TBCA: variants seen among roughly 807,000 people sequenced by gnomAD.
TBCA encodes the protein tubulin folding cofactor A.
A neutral mutation model predicts 15.8 loss-of-function variants in TBCA; 6 were observed. The observed-to-expected ratio is 0.38, with a 90% confidence interval of 0.21 to 0.75. TBCA has a LOEUF of 0.75. Among genes scored for constraint, TBCA ranks in the 30% least tolerant of loss-of-function variants. TBCA has a pLI of 0.46. For missense variants in TBCA, 90 were observed against 131.2 expected, an observed-to-expected ratio of 0.69 and a Z score of 1.53; for synonymous variants, 32 against 42.3, an observed-to-expected ratio of 0.76 and a Z score of 0.94.
At chr5:77,732,616 CAGT>C (rs1746800695) in intron 1 of TBCA, among the ~76,000 whole-genome samples, 1 of 150,266 alleles carries the variant, frequency 6.7e-6, no homozygotes, top group African/African-American at 2.5e-5. Context: ...ACAAGTCTGT[CAGT>C]GCCTTTTTTC....
At chr5:77,755,307 G>A (rs1443948189) in intron 1 of TBCA, among the ~76,000 whole-genome samples, 2 of 152,146 alleles carry the variant, frequency 1.3e-5, no homozygotes, top group African/African-American at 2.4e-5. Context: ...GGCCAGGCAC[G>A]GTGGCTCACA....
At chr5:77,717,197 T>C (rs1360093959) in intron 1 of TBCA, among the ~76,000 whole-genome samples, 1 of 152,218 alleles carries the variant, frequency 6.6e-6, no homozygotes, top group African/African-American at 2.4e-5. Context: ...AGTTTTCTTA[T>C]TGCAGGCGAT....
chr5:77,746,053 T>C (rs943282759), intron 1 of TBCA, among the ~76,000 whole-genome samples: 3 of 152,162 alleles, frequency 2.0e-5, no homozygotes, highest in Admixed American at 2.0e-4. Context: ...ATAAGAAGAG[T>C]AAACAGTTTT....
At chr5:77,769,733 T>C (rs188862274) in intron 1 of TBCA, among the ~76,000 whole-genome samples, 3 of 152,174 alleles carry the variant, frequency 2.0e-5, no homozygotes, top group East Asian at 3.9e-4. Flanking sequence ...TAATCAAGGC[T>C]TGTAGATTTG....
chr5:77,723,942 T>C (rs1746578010), intron 1 of TBCA, among the ~76,000 whole-genome samples: 1 of 152,074 alleles, frequency 6.6e-6, no homozygotes, highest in African/African-American at 2.4e-5. Flanking sequence ...TTTCAAAACT[T>C]TAAGCTGCAG....
intron 1 of TBCA, among the ~76,000 whole-genome samples, chr5:77,717,851 CG>C (rs1746437260): frequency 6.6e-6 from 1 of 151,326 alleles, no homozygotes; most frequent in Non-Finnish European, 1.5e-5. Flanking sequence ...AAAAAAAGGC[CG>C]GGGGCAGTGG....
chr5:77,776,165 G>T, intron 1 of TBCA, 40 bp downstream of exon 1: 1 of 1,550,114 alleles, frequency 6.5e-7, no homozygotes, highest in Non-Finnish European at 8.7e-7. Context: ...GCCATGAGGT[G>T]ACGAAGAGGA....
chr5:77,731,739 A>G (rs1312675037), intron 1 of TBCA, among the ~76,000 whole-genome samples: 3 of 151,946 alleles, frequency 2.0e-5, no homozygotes, highest in Non-Finnish European at 4.4e-5. Context: ...GAAAAATTTT[A>G]TTTTATAATA....
chr5:77,759,430 C>CT (rs1747552877), intron 1 of TBCA, among the ~76,000 whole-genome samples: 1 of 152,072 alleles, frequency 6.6e-6, no homozygotes, highest in South Asian at 2.1e-4. Flanking sequence ...GAGGTATGTG[C>CT]GACTCCTACT....
chr5:77,742,807 G>A (rs1747084263), intron 1 of TBCA, among the ~76,000 whole-genome samples: 1 of 151,948 alleles, frequency 6.6e-6, no homozygotes, highest in South Asian at 2.1e-4. Context: ...CCTTATGTTT[G>A]GTATTACTCT....
intron 1 of TBCA, among the ~76,000 whole-genome samples, chr5:77,756,412 C>T (rs537763715): frequency 6.6e-6 from 1 of 152,280 alleles, no homozygotes; most frequent in South Asian, 2.1e-4. Flanking sequence ...CACTCAGAGG[C>T]ACCTTCTGGT....
At chr5:77,752,795 T>C (rs1441681821) in intron 1 of TBCA, among the ~76,000 whole-genome samples, 1 of 48,672 alleles carries the variant, frequency 2.1e-5, no homozygotes, top group Non-Finnish European at 4.9e-5. Context: ...CCTGACCTCA[T>C]GATCCACCCG....
chr5:77,724,608 T>C (rs1746590463), intron 1 of TBCA, among the ~76,000 whole-genome samples: 1 of 152,128 alleles, frequency 6.6e-6, no homozygotes, highest in Non-Finnish European at 1.5e-5. Flanking sequence ...CACTTCAGCA[T>C]TGGTTTCACA....
chr5:77,725,595 T>C (rs756897000), intron 1 of TBCA, among the ~76,000 whole-genome samples: 1 of 152,224 alleles, frequency 6.6e-6, no homozygotes, highest in African/African-American at 2.4e-5. Context: ...CAACAAAGAA[T>C]TCATTTTTCA....
chr5:77,697,578 T>C (rs1482173958), intron 2 of TBCA, among the ~76,000 whole-genome samples: 1 of 152,014 alleles, frequency 6.6e-6, no homozygotes, highest in Non-Finnish European at 1.5e-5. Context: ...AATGAAAATA[T>C]AACATGTCAA....
At chr5:77,772,425 T>C (rs1024805970) in intron 1 of TBCA, among the ~76,000 whole-genome samples, 1 of 151,952 alleles carries the variant, frequency 6.6e-6, no homozygotes, top group African/African-American at 2.4e-5. Flanking sequence ...TGTGTACCTA[T>C]ATAACAAAAC....
chr5:77,726,491 A>T (rs1025760358), intron 1 of TBCA, among the ~76,000 whole-genome samples: 2 of 152,266 alleles, frequency 1.3e-5, no homozygotes, highest in African/African-American at 4.8e-5. Flanking sequence ...CACATGCTTC[A>T]GAGAGTAATG....
chr5:77,728,499 A>G (rs1471460317), intron 1 of TBCA, among the ~76,000 whole-genome samples: 2 of 152,142 alleles, frequency 1.3e-5, no homozygotes, highest in Admixed American at 1.3e-4. Context: ...GAAAGGAAAG[A>G]ACCATGTAAA....
chr5:77,775,958 G>T (rs1748013159), intron 1 of TBCA, among the ~76,000 whole-genome samples: 1 of 152,190 alleles, frequency 6.6e-6, no homozygotes, highest in Admixed American at 6.5e-5. Flanking sequence ...GGCCACCGCC[G>T]ACTCTTCCGG....
Sources: gnomAD v4.1 joint callset for allele counts (sites outside exome capture counted in the v4.1 genomes callset) on GRCh38, gnomAD v4.1.1 for gene constraint, MANE v1.5 for transcripts, NCBI Gene and HGNC (gene_info 2026-07-23, HGNC 2026-07-21) for gene names.